PLAC8: variants seen among roughly 807,000 people sequenced by gnomAD.
PLAC8 encodes placenta-specific gene 8 protein.
A neutral mutation model predicts 12.6 loss-of-function variants in PLAC8; 6 were observed. The ratio of observed to expected loss-of-function variants is 0.48; its 90% CI spans 0.26 to 0.94. The LOEUF is 0.94. Ranked by LOEUF, PLAC8 falls within the 40% of genes least tolerant of loss-of-function variation. The pLI, the probability that PLAC8 is intolerant of heterozygous loss-of-function variation, is 0.14. For synonymous variants in PLAC8, 54 were observed against 52.6 expected (o/e 1.03, Z -0.11); for missense variants, 122 against 152.7 (o/e 0.80, Z 1.06).
chr4:83,092,139 G>A (rs11099568), intron 4 of PLAC8, among the ~76,000 whole-genome samples: 66,624 of 151,938 alleles, frequency 0.44, 16,560 homozygotes, highest in Admixed American at 0.57. Context: ...AGTCAGGACC[G>A]CCAAGGTATT....
chr4:83,099,236 CT>C (rs34231782), intron 3 of PLAC8, among the ~76,000 whole-genome samples: 48,088 of 147,040 alleles, frequency 0.33, 7,801 homozygotes, highest in East Asian at 0.57. Context: ...TCAGCTATAA[CT>C]TTTTTTTTTT....
intron 3 of PLAC8, among the ~76,000 whole-genome samples, chr4:83,096,563 C>T (rs1410621284): frequency 6.6e-6 from 1 of 152,198 alleles, no homozygotes; most frequent in African/African-American, 2.4e-5. Flanking sequence ...CCCAATGTCA[C>T]TACCAGAGAT....
intron 2 of PLAC8, among the ~76,000 whole-genome samples, chr4:83,106,066 C>T (rs971463394): frequency 2.0e-5 from 3 of 151,922 alleles, no homozygotes; most frequent in African/African-American, 7.2e-5. Flanking sequence ...ATGGTGCGAT[C>T]TTAGCTCACT....
chr4:83,095,576 A>ACATATAACTATAT, intron 3 of PLAC8, among the ~76,000 whole-genome samples: 1 of 152,326 alleles, frequency 6.6e-6, no homozygotes, highest in East Asian at 1.9e-4. Context: ...TGGGAAAGAA[A>ACATATAACTATAT]GGGGTAGGGG....
intron 3 of PLAC8, among the ~76,000 whole-genome samples, chr4:83,097,819 G>A (rs1283125539): frequency 1.3e-5 from 2 of 151,410 alleles, no homozygotes; most frequent in Non-Finnish European, 2.9e-5. Context: ...ATAGGAATAT[G>A]GCTTTTGTTA....
At chr4:83,105,145 T>C in intron 2 of PLAC8, 125 bp from the exon 3 acceptor site, 3 of 1,015,480 alleles carry the variant, frequency 3.0e-6, no homozygotes, top group East Asian at 2.6e-5. Context: ...TGCTGCTAAG[T>C]CCATCTTCAA....
intron 1 of PLAC8, among the ~76,000 whole-genome samples, chr4:83,112,719 G>C (rs1374742584): frequency 6.6e-6 from 1 of 152,178 alleles, no homozygotes; most frequent in Admixed American, 6.5e-5. Flanking sequence ...TCATTTGTAC[G>C]CGCCTCTGTG....
intron 1 of PLAC8, among the ~76,000 whole-genome samples, chr4:83,113,417 A>G (rs2126145066): frequency 6.6e-6 from 1 of 152,340 alleles, no homozygotes; most frequent in South Asian, 2.1e-4. Flanking sequence ...CTTGCAGAGC[A>G]CATTTTGTAA....
chr4:83,101,079 G>C (rs1021123118), intron 3 of PLAC8, among the ~76,000 whole-genome samples: 1 of 152,086 alleles, frequency 6.6e-6, no homozygotes, highest in Admixed American at 6.6e-5. Context: ...AAGGATAAGA[G>C]AGACAAAGCT....
rs1023776470 is a variant in PLAC8 at position 83,109,682 on chromosome 4, A to C, written c.-29-1732T>G. ...TTCCCCAGTTGCAGGGACAGGTCTG[A>C]AGCACGGGCTTCAGGAGGCGGGGAG... On this transcript the variant is annotated intron_variant, in intron 1 of 4. Coordinates refer to ENST00000311507, the MANE Select transcript of PLAC8 (RefSeq NM_016619.3). 6 of 151,330 alleles carry C rather than the reference A, an allele frequency of 4.0e-5. No individual in the cohort carries two copies. The East Asian group carries it at 1.2e-3, about 30-fold the overall frequency. The allele number at this position is 151,330 out of a possible 1,614,324, so 9.4% of individuals were successfully genotyped here. A position where few individuals can be genotyped will look rare whatever the true frequency, so the allele number is the denominator to read the frequency against.
At chr4:83,111,805 T>A (rs987874917) in intron 1 of PLAC8, among the ~76,000 whole-genome samples, 1 of 152,234 alleles carries the variant, frequency 6.6e-6, no homozygotes, top group South Asian at 2.1e-4. Flanking sequence ...TGTATTCAAA[T>A]TGGCTAATGT....
rs537632162 is a variant in PLAC8 at position 83,108,545 on chromosome 4, G to A, written c.-29-595C>T. 2.2e-3 allele frequency among the ~76,000 whole-genome samples: 334 copies of A among 152,322 alleles called. 1 individual carries two copies. The highest frequency in any genetic ancestry group is 7.5e-3 in the African/African-American group (312 of 41,570). ...GAAGGTGGAGGTTGCATTAAGCCGA[G>A]GTCATACTTCTGCACCCCAGCCTGG... On this transcript the variant is annotated intron_variant, in intron 1 of 4. Coordinates refer to ENST00000311507, the MANE Select transcript of PLAC8 (RefSeq NM_016619.3).
chr4:83,096,224 G>A (rs1012356417), intron 3 of PLAC8, among the ~76,000 whole-genome samples: 1 of 152,228 alleles, frequency 6.6e-6, no homozygotes, highest in East Asian at 1.9e-4. Context: ...GCGGTTAGAA[G>A]TAAGATGGAG....
intron 2 of PLAC8, among the ~76,000 whole-genome samples, chr4:83,107,343 T>C (rs189346472): frequency 6.6e-6 from 1 of 152,220 alleles, no homozygotes; most frequent in African/African-American, 2.4e-5. Context: ...TAGTTTTCTC[T>C]GAACGCATAT....
intron 3 of PLAC8, among the ~76,000 whole-genome samples, chr4:83,096,481 A>C (rs2126140194): frequency 6.6e-6 from 1 of 152,370 alleles, no homozygotes; most frequent in East Asian, 1.9e-4. Flanking sequence ...AATGCATGCT[A>C]TAGATAATTT....
intron 4 of PLAC8, among the ~76,000 whole-genome samples, chr4:83,091,722 T>C (rs991879590): frequency 6.6e-6 from 1 of 152,194 alleles, no homozygotes. Flanking sequence ...AAGGAGTATC[T>C]ACCTAAATAT....
In PLAC8 at chr4:83,090,971, C is replaced by T. The variant is rs1731794701; in HGVS notation, c.*10G>A. On this transcript the variant is annotated splice_region_variant and 3_prime_UTR_variant, in exon 5 of 5. Transcript: ENST00000311507. ...TTGTTGCTTCGGTAAGAGCTTTTCACCTATAAAGGACACACAAGAGTTTTG... is the reference window on the plus strand; with the variant it reads ...TTGTTGCTTCGGTAAGAGCTTTTCATCTATAAAGGACACACAAGAGTTTTG... 6.6e-6 allele frequency: 1 copy of T among 150,668 alleles called. No homozygotes were observed. Among genetic ancestry groups the T allele is most frequent in the Non-Finnish European group, 1.5e-5 (1 of 67,996 alleles). The allele number at this position is 150,668 out of a possible 1,614,324, so 9.3% of individuals were successfully genotyped here. A position where few individuals can be genotyped will look rare whatever the true frequency, so the allele number is the denominator to read the frequency against.
intron 4 of PLAC8, among the ~76,000 whole-genome samples, chr4:83,091,599 T>C (rs901847009): frequency 2.0e-5 from 3 of 152,218 alleles, no homozygotes; most frequent in Non-Finnish European, 4.4e-5. Context: ...AGTTACTCCA[T>C]ACAGTATAGA....
At chr4:83,100,464 T>G (rs1228118279) in intron 3 of PLAC8, among the ~76,000 whole-genome samples, 1 of 151,440 alleles carries the variant, frequency 6.6e-6, no homozygotes, top group Non-Finnish European at 1.5e-5. Flanking sequence ...CCTCTTTTCT[T>G]TATAAATTAC....
Sources: allele counts gnomAD v4.1 joint callset (sites outside exome capture counted in the v4.1 genomes callset), GRCh38; gene constraint gnomAD v4.1.1; transcripts MANE v1.5; gene names NCBI Gene and HGNC (gene_info 2026-07-23, HGNC 2026-07-21).